DPP10: variants seen among roughly 807,000 people sequenced by gnomAD.
The protein encoded by DPP10 is dipeptidyl peptidase like 10.
DPP10 carries 33 observed loss-of-function variants against 120.9 expected under a neutral mutation model. That is an observed-to-expected ratio of 0.27 (90% CI 0.21 to 0.37). The LOEUF (loss-of-function observed/expected upper bound fraction) is 0.37, where lower values mean the gene tolerates loss of function less well. DPP10 is among the 10% of genes least tolerant of loss of function. The pLI is 1.00. For missense variants in DPP10, 816 were observed against 942.8 expected (o/e 0.87, Z 1.76); for synonymous variants, 337 against 326.1 (o/e 1.03, Z -0.36).
At chr2:114,750,400 C>T (rs1394553070) in intron 1 of DPP10, among the ~76,000 whole-genome samples, 3 of 151,730 alleles carry the variant, frequency 2.0e-5, no homozygotes, top group Non-Finnish European at 2.9e-5. Context: ...GTGGCACAAT[C>T]TTGGCTCACT....
chr2:114,899,261 G>A (rs764261850), intron 1 of DPP10, among the ~76,000 whole-genome samples: 3 of 151,970 alleles, frequency 2.0e-5, no homozygotes, highest in Non-Finnish European at 4.4e-5. Flanking sequence ...CAGTGGTGAA[G>A]AGCAAGTTTC....
intron 1 of DPP10, among the ~76,000 whole-genome samples, chr2:115,210,518 C>T (rs913617538): frequency 1.3e-5 from 2 of 151,996 alleles, no homozygotes; most frequent in Non-Finnish European, 2.9e-5. Flanking sequence ...ATTTATAATC[C>T]TTTGGGTGTA....
At chr2:115,034,326 C>T (rs919223026) in intron 1 of DPP10, among the ~76,000 whole-genome samples, 2 of 152,058 alleles carry the variant, frequency 1.3e-5, no homozygotes, top group Non-Finnish European at 2.9e-5. Flanking sequence ...AGATTTCTGA[C>T]CTTTTTTCTC....
chr2:115,583,691 A>G (rs555461679), intron 5 of DPP10, among the ~76,000 whole-genome samples: 1 of 152,226 alleles, frequency 6.6e-6, no homozygotes, highest in African/African-American at 2.4e-5. Flanking sequence ...TCAAATAGTC[A>G]CATGCCTGTT....
intron 1 of DPP10, among the ~76,000 whole-genome samples, chr2:114,494,147 T>C (rs1573484151): frequency 8.4e-6 from 1 of 118,974 alleles, no homozygotes; most frequent in Non-Finnish European, 1.8e-5. Context: ...ATAAAAACAG[T>C]AGTTAAAAGC....
chr2:114,890,926 G>A (rs546911020), intron 1 of DPP10, among the ~76,000 whole-genome samples: 14 of 150,978 alleles, frequency 9.3e-5, no homozygotes, highest in Non-Finnish European at 1.5e-4. Flanking sequence ...TTTAGAGCAC[G>A]GTAGCAGGGT....
intron 1 of DPP10, chr2:115,162,053 GC>G: frequency 7.0e-7 from 1 of 1,429,668 alleles, no homozygotes; most frequent in Non-Finnish European, 9.1e-7. Context: ...CCGCGGCCAG[GC>G]CCTCCCGGGA....
Position 114,716,495 on chromosome 2 carries a change from C to T in DPP10, c.60+273657C>T, listed in dbSNP as rs186674204. ...AACTTTATCCATATACCAAACTGTA[C>T]ACAGGAAACTGGGCTTCGTAAAATA... On this transcript the variant is annotated intron_variant, in intron 1 of 25. Coordinates refer to ENST00000410059, the MANE Select transcript of DPP10 (RefSeq NM_020868.6). Among the ~76,000 whole-genome samples, 14 of 152,248 alleles carry T rather than the reference C, an allele frequency of 9.2e-5. No individual in the cohort carries two copies. The East Asian group carries it at 9.6e-4, about 10-fold the overall frequency.
At chr2:115,573,008 G>A (rs1283560660) in intron 5 of DPP10, among the ~76,000 whole-genome samples, 2 of 152,102 alleles carry the variant, frequency 1.3e-5, no homozygotes, top group Non-Finnish European at 2.9e-5. Context: ...CTGAGATAGA[G>A]TCTTGAAAAG....
chr2:114,735,821 A>G (rs1032373995), intron 1 of DPP10, among the ~76,000 whole-genome samples: 1 of 151,968 alleles, frequency 6.6e-6, no homozygotes, highest in Non-Finnish European at 1.5e-5. Flanking sequence ...CATTGACCAG[A>G]GTGATGAGTA....
intron 1 of DPP10, among the ~76,000 whole-genome samples, chr2:114,546,921 A>G (rs925445737): frequency 6.6e-6 from 1 of 152,236 alleles, no homozygotes; most frequent in Non-Finnish European, 1.5e-5. Flanking sequence ...GTTGGATTTT[A>G]TTCTTATTCT....
rs2060990210 is a variant in DPP10 at position 115,298,571 on chromosome 2, G to A, written c.61-10668G>A. Among the ~76,000 whole-genome samples, 3 of 152,014 alleles carry A rather than the reference G, an allele frequency of 2.0e-5. No homozygotes were observed. The South Asian group carries it at 6.2e-4, about 32-fold the overall frequency. On this transcript the variant is annotated intron_variant, in intron 1 of 25. Transcript: ENST00000410059. ...TCCTTCCCTCCCCAGGAACTCACTA[G>A]GTCTGAGCTGGGGATGAATAATTTG...
intron 1 of DPP10, among the ~76,000 whole-genome samples, chr2:115,130,553 GCTTT>G (rs199844122): frequency 2.0e-4 from 28 of 138,314 alleles, no homozygotes; most frequent in East Asian, 1.4e-3. Flanking sequence ...TTCATCTTCA[GCTTT>G]CTTTTTTTAA....
intron 1 of DPP10, chr2:115,131,769 G>A (rs990939285): frequency 2.6e-5 from 4 of 152,058 alleles, no homozygotes; most frequent in African/African-American, 9.7e-5. Flanking sequence ...AGATCCTGAG[G>A]CCTACAGGTA....
chr2:114,577,298 G>C (rs980722493), intron 1 of DPP10, among the ~76,000 whole-genome samples: 1 of 152,212 alleles, frequency 6.6e-6, no homozygotes, highest in Non-Finnish European at 1.5e-5. Flanking sequence ...TTGGTGATAG[G>C]GAAAGCCAGG....
intron 3 of DPP10, among the ~76,000 whole-genome samples, chr2:115,486,615 T>G (rs1419847543): frequency 6.6e-6 from 1 of 152,142 alleles, no homozygotes; most frequent in Non-Finnish European, 1.5e-5. Flanking sequence ...AGTGTATGAG[T>G]ATGAAGTCTA....
chr2:115,024,425 C>A (rs1703304553), intron 1 of DPP10, among the ~76,000 whole-genome samples: 1 of 151,712 alleles, frequency 6.6e-6, no homozygotes, highest in South Asian at 2.1e-4. Context: ...TCCAATTTAT[C>A]TCAATTTTAG....
chr2:115,746,791 G>A (rs542117383), intron 10 of DPP10, among the ~76,000 whole-genome samples: 120 of 152,134 alleles, frequency 7.9e-4, no homozygotes, highest in African/African-American at 2.7e-3. Flanking sequence ...AATCCATCAT[G>A]GTTTCAGACT....
At chr2:114,841,476 G>A (rs1688152606) in intron 1 of DPP10, among the ~76,000 whole-genome samples, 1 of 152,180 alleles carries the variant, frequency 6.6e-6, no homozygotes, top group Non-Finnish European at 1.5e-5. Context: ...GCCTTTAGTA[G>A]ACTAGATTCA....
Sources: gnomAD v4.1 joint callset for allele counts (sites outside exome capture counted in the v4.1 genomes callset) on GRCh38, gnomAD v4.1.1 for gene constraint, MANE v1.5 for transcripts, NCBI Gene and HGNC (gene_info 2026-07-23, HGNC 2026-07-21) for gene names.